The following DOCK1 variants were observed in gnomAD, a reference collection of about 807,000 sequenced individuals.
DOCK1 encodes dedicator of cytokinesis 1, also known as dedicator of cytokinesis protein 1.
Under a neutral mutation model 262.7 loss-of-function variants are expected in DOCK1, and 138 were observed. That is an observed-to-expected ratio of 0.53 (90% CI 0.46 to 0.61). The LOEUF (loss-of-function observed/expected upper bound fraction) is 0.61. DOCK1 is among the 20% of genes least tolerant of loss of function. The pLI, the probability that DOCK1 is intolerant of heterozygous loss-of-function variation, is 0.00. For missense variants in DOCK1, 1,908 were observed against 2,370.7 expected, an observed-to-expected ratio of 0.80 and a Z score of 4.05; for synonymous variants, 866 against 867.4, an observed-to-expected ratio of 1.00 and a Z score of 0.03.
chr10:127,161,513 T>A (rs920757447), intron 27 of DOCK1, among the ~76,000 whole-genome samples: 2 of 152,194 alleles, frequency 1.3e-5, no homozygotes, highest in African/African-American at 4.8e-5. Flanking sequence ...TGGTAAAAAC[T>A]GAAGTTGCAA....
chr10:127,094,248 A>G (rs895024789), intron 23 of DOCK1, among the ~76,000 whole-genome samples: 2 of 152,182 alleles, frequency 1.3e-5, no homozygotes, highest in African/African-American at 4.8e-5. Flanking sequence ...TACAATGTCA[A>G]TGTCGATTAA....
chr10:127,106,325 G>T, intron 24 of DOCK1, 24 bp downstream of exon 24: 1 of 1,582,058 alleles, frequency 6.3e-7, no homozygotes, highest in Non-Finnish European at 8.6e-7. Context: ...CCAGGCGAAT[G>T]CTTGTCACGT....
chr10:127,433,526 G>A (rs2069447049), intron 48 of DOCK1, 98 bp downstream of exon 48: 1 of 1,421,762 alleles, frequency 7.0e-7, no homozygotes, highest in South Asian at 1.6e-5. Context: ...TTACAACTGA[G>A]GATTTTGTGT....
At chr10:127,191,784 T>G (rs1288308587) in intron 27 of DOCK1, among the ~76,000 whole-genome samples, 1 of 152,214 alleles carries the variant, frequency 6.6e-6, no homozygotes, top group South Asian at 2.1e-4. Context: ...GCCATCAGCC[T>G]GTGCTTTTTC....
intron 25 of DOCK1, among the ~76,000 whole-genome samples, chr10:127,111,740 C>T (rs567932375): frequency 6.6e-6 from 1 of 152,216 alleles, no homozygotes; most frequent in Admixed American, 6.5e-5. Context: ...CCATTCAATG[C>T]CAAGACACAC....
chr10:127,132,095 A>G (rs899967534), intron 27 of DOCK1, among the ~76,000 whole-genome samples: 1 of 152,236 alleles, frequency 6.6e-6, no homozygotes, highest in Admixed American at 6.5e-5. Context: ...GCTTCCCCCT[A>G]TTAATGTAAG....
chr10:127,292,364 A>T (rs1464296191), intron 29 of DOCK1, among the ~76,000 whole-genome samples: 3 of 151,950 alleles, frequency 2.0e-5, no homozygotes, highest in African/African-American at 7.3e-5. Flanking sequence ...ACTGGTTGGG[A>T]GCGCTCTCCA....
At chr10:126,921,541 C>G (rs916541206) in intron 1 of DOCK1, among the ~76,000 whole-genome samples, 1 of 152,026 alleles carries the variant, frequency 6.6e-6, no homozygotes, top group Non-Finnish European at 1.5e-5. Flanking sequence ...TAGTGGTTGC[C>G]CGGGACTAGG....
Position 127,449,219 on chromosome 10 carries a change from A to C in DOCK1, c.5565+1674A>C, listed in dbSNP as rs201874511. ...CATTTCTAACTACTTGTGAGAGTAA[A>C]AGGAGATTCGGGGGGGTCTAACAAG... On this transcript the variant is annotated intron_variant, in intron 51 of 51. Coordinates refer to ENST00000623213, the MANE Select transcript of DOCK1 (RefSeq NM_001290223.2). Among the ~76,000 whole-genome samples, 16 of 152,312 alleles carry C rather than the reference A, an allele frequency of 1.1e-4. No homozygotes were observed. The East Asian group carries it at 3.1e-3, about 29-fold the overall frequency.
intron 29 of DOCK1, among the ~76,000 whole-genome samples, chr10:127,322,490 G>T (rs1590441096): frequency 6.6e-6 from 1 of 151,842 alleles, no homozygotes; most frequent in Non-Finnish European, 1.5e-5. Context: ...CACCCAGCTG[G>T]CACACACATA....
chr10:127,265,410 G>A (rs1204354616), intron 29 of DOCK1, among the ~76,000 whole-genome samples: 1 of 151,872 alleles, frequency 6.6e-6, no homozygotes, highest in African/African-American at 2.4e-5. Context: ...TGGCCATATG[G>A]AGACCATCCC....
intron 1 of DOCK1, among the ~76,000 whole-genome samples, chr10:126,906,570 C>T (rs7068258): frequency 0.64 from 97,558 of 152,052 alleles, 33,558 homozygotes; most frequent in South Asian, 0.79. Context: ...GCCACTCGAC[C>T]CGACTGGGAA....
intron 27 of DOCK1, among the ~76,000 whole-genome samples, chr10:127,185,292 G>A (rs950197463): frequency 1.3e-5 from 2 of 152,174 alleles, no homozygotes; most frequent in African/African-American, 4.8e-5. Flanking sequence ...ACTTTGGGAG[G>A]CTGAGGTGGG....
At chr10:127,040,830 G>A (rs1162456271) in intron 19 of DOCK1, among the ~76,000 whole-genome samples, 6 of 152,104 alleles carry the variant, frequency 3.9e-5, no homozygotes, top group Admixed American at 3.9e-4. Flanking sequence ...AGTTTTTAGT[G>A]TCTTCATGGA....
At position 127,176,971 on chromosome 10, in the gene DOCK1, G is replaced by C. The variant is rs947435285; in HGVS notation, c.2847+49207G>C. 2 of 152,404 alleles carry C rather than the reference G, an allele frequency of 1.3e-5. No homozygotes were observed. Among genetic ancestry groups the C allele is most frequent in the Admixed American group, 1.3e-4 (2 of 15,292 alleles). The allele number at this position is 152,404 out of a possible 1,614,324, so 9.4% of individuals were successfully genotyped here. A position where few individuals can be genotyped will look rare whatever the true frequency, so the allele number is the denominator to read the frequency against. ...GCGTGAGCCGTTATGGATTCCGGGG[G>C]AGAGTTGGCCGTGCTCCTGGGTGGG... On this transcript the variant is annotated intron_variant, in intron 27 of 51. Coordinates refer to ENST00000623213, the MANE Select transcript of DOCK1 (RefSeq NM_001290223.2). The surrounding 1 kb of genome is among the most constrained non-coding windows in gnomAD (Gnocchi z 4.4).
intron 23 of DOCK1, among the ~76,000 whole-genome samples, chr10:127,101,833 C>T (rs1357306616): frequency 4.6e-5 from 7 of 152,164 alleles, no homozygotes. Flanking sequence ...GAAGCCAGTT[C>T]GTGCCTCACC....
chr10:127,130,658 G>A (rs1197392453), intron 27 of DOCK1, among the ~76,000 whole-genome samples: 3 of 152,136 alleles, frequency 2.0e-5, no homozygotes, highest in Non-Finnish European at 1.5e-5. Context: ...AGTAATAATG[G>A]CACCTCTTCA....
At chr10:127,013,177 T>C (rs1428924227) in intron 12 of DOCK1, among the ~76,000 whole-genome samples, 3 of 152,228 alleles carry the variant, frequency 2.0e-5, no homozygotes, top group Non-Finnish European at 4.4e-5. Flanking sequence ...CCTAGGGATC[T>C]GCAGGGACCT....
At chr10:127,413,396 A>G (rs1274114563) in intron 43 of DOCK1, among the ~76,000 whole-genome samples, 1 of 152,192 alleles carries the variant, frequency 6.6e-6, no homozygotes, top group Non-Finnish European at 1.5e-5. Context: ...GGTCCTTCAC[A>G]TGCCCCACAA....
Sources: gnomAD v4.1 joint callset for allele counts (sites outside exome capture counted in the v4.1 genomes callset) on GRCh38, gnomAD v4.1.1 for gene constraint, Gnocchi (gnomAD v3.1) non-coding constraint, MANE v1.5 for transcripts, NCBI Gene and HGNC (gene_info 2026-07-23, HGNC 2026-07-21) for gene names.